The following PTPN4 variants were observed in gnomAD, a reference collection of about 807,000 sequenced individuals.
The protein encoded by PTPN4 is tyrosine-protein phosphatase non-receptor type 4.
In PTPN4, 49 loss-of-function variants were observed where a neutral mutation model predicts 135.5. The ratio of observed to expected loss-of-function variants is 0.36; its 90% confidence interval spans 0.29 to 0.46. The LOEUF (loss-of-function observed/expected upper bound fraction) is 0.46, where lower values mean the gene tolerates loss of function less well. Among genes scored for constraint, PTPN4 ranks in the 20% least tolerant of loss-of-function variants. The pLI is 1.00. For missense variants in PTPN4, 860 were observed against 1,101.0 expected (o/e 0.78, Z 3.10); for synonymous variants, 333 against 369.9 (o/e 0.90, Z 1.14).
chr2:119,877,483 G>A lies in PTPN4; in HGVS notation c.309G>A (p.Leu103=), dbSNP rs776977245. 1 of 1,610,508 alleles carries A rather than the reference G, an allele frequency of 6.2e-7. No homozygotes were observed. Among genetic ancestry groups the A allele is most frequent in the Admixed American group, 1.7e-5 (1 of 59,736 alleles). The part of the protein sequence containing the change: ...KQLKRGSPYS[L]NFRVKFFVSD... ...TTCTAGGAGGATCTCCTTACAGTTT[G>A]AACTTTAGAGTCAAATTTTTTGTAA... The change falls in exon 5 of 27, where the codon TTG becomes TTA. Residue 103 remains leucine (L), a synonymous_variant. Transcript: ENST00000263708.
At chr2:119,765,940 G>GCA (rs1690608580) in intron 1 of PTPN4, among the ~76,000 whole-genome samples, 3 of 152,070 alleles carry the variant, frequency 2.0e-5, no homozygotes, top group Middle Eastern at 3.4e-3. Context: ...GTGTGCGCGC[G>GCA]CGCATGTGCG....
chr2:119,878,682 G>A (rs1272247544), intron 5 of PTPN4, among the ~76,000 whole-genome samples: 1 of 142,094 alleles, frequency 7.0e-6, no homozygotes, highest in African/African-American at 2.7e-5. Flanking sequence ...TGGGTGCGCA[G>A]GTGTTCCTTT....
intron 20 of PTPN4, 117 bp from the exon 21 acceptor site, chr2:119,956,727 T>C: frequency 6.6e-7 from 1 of 1,519,124 alleles, no homozygotes; most frequent in Non-Finnish European, 8.8e-7. Flanking sequence ...ATTGTATAGA[T>C]GACCTATTCA....
At chr2:119,885,961 A>T in intron 9 of PTPN4, 79 bp downstream of exon 9, 2 of 973,464 alleles carry the variant, frequency 2.1e-6, no homozygotes, top group Non-Finnish European at 1.5e-6. Flanking sequence ...ATTAGATAAC[A>T]AATGGAATAA....
intron 1 of PTPN4, among the ~76,000 whole-genome samples, chr2:119,804,255 G>C (rs550756596): frequency 3.3e-5 from 5 of 152,138 alleles, no homozygotes; most frequent in African/African-American, 9.6e-5. Context: ...TAGGACTACA[G>C]GTGCATGCCA....
intron 1 of PTPN4, among the ~76,000 whole-genome samples, chr2:119,795,424 C>G (rs992331283): frequency 6.6e-6 from 1 of 152,260 alleles, no homozygotes; most frequent in Non-Finnish European, 1.5e-5. Context: ...GGGCCTCACC[C>G]CCTCCTCGGC....
chr2:119,862,496 A>G, intron 2 of PTPN4, 40 bp from the exon 3 acceptor site: 2 of 1,543,368 alleles, frequency 1.3e-6, no homozygotes, highest in South Asian at 1.1e-5. Flanking sequence ...AATGTAACCT[A>G]TCAAAGTTGA....
At chr2:119,764,614 A>G (rs1446887598) in intron 1 of PTPN4, among the ~76,000 whole-genome samples, 1 of 151,922 alleles carries the variant, frequency 6.6e-6, no homozygotes, top group Non-Finnish European at 1.5e-5. Context: ...ATGCTTGTTT[A>G]GATATAGTTT....
chr2:119,831,926 GACT>G (rs1346856650), intron 2 of PTPN4, among the ~76,000 whole-genome samples: 1 of 152,086 alleles, frequency 6.6e-6, no homozygotes, highest in Non-Finnish European at 1.5e-5. Context: ...TGGGTTTTCT[GACT>G]ACGTCATAGT....
intron 23 of PTPN4, 142 bp downstream of exon 23, chr2:119,961,095 G>GGT: frequency 1.0e-6 from 1 of 994,306 alleles, no homozygotes; most frequent in Non-Finnish European, 1.4e-6. Context: ...AAATCATCAT[G>GGT]TTTAAGTGCA....
intron 3 of PTPN4, among the ~76,000 whole-genome samples, chr2:119,871,163 C>T (rs973533220): frequency 7.5e-5 from 11 of 147,638 alleles, no homozygotes; most frequent in Non-Finnish European, 1.3e-4. Flanking sequence ...TGATAACACT[C>T]TTTGCATACT....
chr2:119,967,391 G>T lies in PTPN4; in HGVS notation c.2559-446G>T, dbSNP rs551821400. Among the ~76,000 whole-genome samples the T allele has an allele frequency of 3.3e-5, 5 of 152,202 alleles. No individual in the cohort carries two copies. The South Asian group carries it at 1.0e-3, about 32-fold the overall frequency. On this transcript the variant is annotated intron_variant, in intron 25 of 26. Transcript: ENST00000263708. ...TTGAGCCCAGGAAGTAGAGGTTGCAGTGAGCCGAGATCGCACCACTGCACT... is the reference window on the plus strand; with the variant it reads ...TTGAGCCCAGGAAGTAGAGGTTGCATTGAGCCGAGATCGCACCACTGCACT...
At chr2:119,916,027 CAAAAAAAAAATGGA>C (rs1678648295) in intron 11 of PTPN4, 1 of 139,290 alleles carries the variant, frequency 7.2e-6, no homozygotes, top group African/African-American at 2.7e-5. Flanking sequence ...ACTGTCTCTA[CAAAAAAAAAATGGA>C]AAAAAAAAAT....
chr2:119,775,770 A>C (rs767562535), intron 1 of PTPN4, among the ~76,000 whole-genome samples: 1 of 152,166 alleles, frequency 6.6e-6, no homozygotes, highest in Non-Finnish European at 1.5e-5. Context: ...TTTACAACAG[A>C]GTCAGTCAGG....
intron 9 of PTPN4, among the ~76,000 whole-genome samples, chr2:119,892,699 T>C (rs1041658304): frequency 1.3e-5 from 2 of 151,992 alleles, no homozygotes; most frequent in African/African-American, 4.8e-5. Context: ...ACAAGAACTT[T>C]TAAGACTTTT....
chr2:119,973,658 T>TTTG (rs1352435060), intron 26 of PTPN4, among the ~76,000 whole-genome samples: 1 of 80,642 alleles, frequency 1.2e-5, no homozygotes, highest in Non-Finnish European at 3.1e-5. Flanking sequence ...ATTTCTTGTT[T>TTTG]TTTTTTTTTT....
At chr2:119,952,446 C>T (rs1370443599) in intron 19 of PTPN4, among the ~76,000 whole-genome samples, 1 of 152,138 alleles carries the variant, frequency 6.6e-6, no homozygotes, top group Non-Finnish European at 1.5e-5. Context: ...TTTGTTATGA[C>T]TTATACCTAT....
At chr2:119,919,494 A>G (rs1678705647) in intron 11 of PTPN4, among the ~76,000 whole-genome samples, 1 of 152,176 alleles carries the variant, frequency 6.6e-6, no homozygotes, top group South Asian at 2.1e-4. Flanking sequence ...CTCATTTCTA[A>G]CTATGATCTA....
chr2:119,796,755 C>A (rs1691268780), intron 1 of PTPN4, among the ~76,000 whole-genome samples: 2 of 152,094 alleles, frequency 1.3e-5, no homozygotes, highest in South Asian at 4.1e-4. Flanking sequence ...AAGAAAGTGC[C>A]AAACCGTTTT....
Sources: gnomAD v4.1 joint callset for allele counts (sites outside exome capture counted in the v4.1 genomes callset) on GRCh38, gnomAD v4.1.1 for gene constraint, MANE v1.5 for transcripts, NCBI Gene and HGNC (gene_info 2026-07-23, HGNC 2026-07-21) for gene names.